Variants in ULK4 observed in about 807,000 individuals in gnomAD.
The protein encoded by ULK4 is unc-51 like kinase 4.
In ULK4, 133 loss-of-function variants were observed where a neutral mutation model predicts 160.6. That is an observed-to-expected ratio of 0.83 (90% CI 0.72 to 0.96). The LOEUF (loss-of-function observed/expected upper bound fraction) is 0.96, where lower values mean the gene tolerates loss of function less well. Ranked by LOEUF, ULK4 falls within the 40% of genes least tolerant of loss-of-function variation. The probability of loss-of-function intolerance (pLI) is 0.00; values close to 1 mark genes in which losing one functional copy is unlikely to be tolerated. For synonymous variants in ULK4, 534 were observed against 539.8 expected (o/e 0.99, Z 0.15); for missense variants, 1,580 against 1,499.5 (o/e 1.05, Z -0.89).
chr3:41,399,156 T>C (rs2125815795), intron 34 of ULK4, among the ~76,000 whole-genome samples: 1 of 152,318 alleles, frequency 6.6e-6, no homozygotes, highest in East Asian at 1.9e-4. Flanking sequence ...CCATTTTCAC[T>C]AACACTTGTT....
chr3:41,425,808 C>T (rs1339120693), intron 34 of ULK4, among the ~76,000 whole-genome samples: 2 of 152,146 alleles, frequency 1.3e-5, no homozygotes, highest in Non-Finnish European at 2.9e-5. Context: ...AAAACCATTC[C>T]CAGCCACTGC....
intron 32 of ULK4, among the ~76,000 whole-genome samples, chr3:41,499,204 C>G (rs546178279): frequency 1.3e-5 from 2 of 152,218 alleles, no homozygotes; most frequent in East Asian, 1.9e-4. Context: ...GCTAGGAATT[C>G]CAGAACATTG....
At chr3:41,868,511 G>A (rs1471208548) in intron 17 of ULK4, among the ~76,000 whole-genome samples, 4 of 151,462 alleles carry the variant, frequency 2.6e-5, no homozygotes, top group East Asian at 1.9e-4. Flanking sequence ...GTTTTGAGAC[G>A]GAGTCTCACT....
intron 30 of ULK4, among the ~76,000 whole-genome samples, chr3:41,635,546 GTTAC>G (rs2125708781): frequency 6.6e-6 from 1 of 152,226 alleles, no homozygotes; most frequent in Admixed American, 6.5e-5. Flanking sequence ...ATTTTGATAT[GTTAC>G]TTGTCTTTTT....
At chr3:41,468,380 C>A (rs2083888141) in intron 32 of ULK4, among the ~76,000 whole-genome samples, 3 of 151,986 alleles carry the variant, frequency 2.0e-5, no homozygotes, top group Admixed American at 6.6e-5. Context: ...GAAATGGAGG[C>A]AAAGGTGCTA....
chr3:41,299,874 T>C (rs1652162617), intron 35 of ULK4, among the ~76,000 whole-genome samples: 1 of 152,226 alleles, frequency 6.6e-6, no homozygotes, highest in South Asian at 2.1e-4. Context: ...GACTTTTAGA[T>C]TGCTTCCAAT....
chr3:41,734,423 C>T (rs4973891), intron 22 of ULK4, among the ~76,000 whole-genome samples: 148,021 of 152,240 alleles, frequency 0.97, 71,978 homozygotes, highest in East Asian at 1. Context: ...GATTTGTATA[C>T]GTTAAATTTA....
intron 33 of ULK4, among the ~76,000 whole-genome samples, chr3:41,462,000 T>A (rs114719283): frequency 6.6e-6 from 1 of 152,220 alleles, no homozygotes; most frequent in Non-Finnish European, 1.5e-5. Flanking sequence ...GGAATTATTA[T>A]AAATGAGCTA....
chr3:41,811,164 G>A (rs576360266), intron 19 of ULK4, among the ~76,000 whole-genome samples: 3 of 152,038 alleles, frequency 2.0e-5, no homozygotes, highest in African/African-American at 7.2e-5. Flanking sequence ...TGGGATTACA[G>A]GTATAAGCCA....
At chr3:41,391,191 G>T (rs1220199036) in intron 35 of ULK4, among the ~76,000 whole-genome samples, 2 of 152,076 alleles carry the variant, frequency 1.3e-5, no homozygotes, top group Non-Finnish European at 2.9e-5. Flanking sequence ...ATGGCAATCA[G>T]TGGCAGAGAA....
At position 41,636,107 on chromosome 3, in the gene ULK4, C is replaced by G. The variant is rs540489600; in HGVS notation, c.3072-20390G>C. ...TCTCTACCTTTGTATTCTTGGACAA[C>G]TTACATAAACTCTGAGTGTTACTTT... is the stretch of plus-strand genomic sequence containing the variant. On this transcript the variant is annotated intron_variant, in intron 30 of 36. Transcript: ENST00000301831. 1.2e-3 allele frequency among the ~76,000 whole-genome samples: 177 copies of G among 149,868 alleles called. 2 individuals carry two copies. Among genetic ancestry groups the G allele is most frequent in the African/African-American group, 4.4e-3 (172 of 39,202 alleles).
chr3:41,816,728 C>G (rs1196256163), intron 19 of ULK4, among the ~76,000 whole-genome samples: 1 of 152,150 alleles, frequency 6.6e-6, no homozygotes, highest in African/African-American at 2.4e-5. Flanking sequence ...AGGAGGATCA[C>G]TTGATCCCAG....
intron 22 of ULK4, among the ~76,000 whole-genome samples, chr3:41,740,679 T>C (rs2038212256): frequency 6.6e-6 from 1 of 151,856 alleles, no homozygotes; most frequent in Non-Finnish European, 1.5e-5. Context: ...AAAAACATAT[T>C]TGCATAATGG....
At chr3:41,338,231 C>A (rs1187086146) in intron 35 of ULK4, among the ~76,000 whole-genome samples, 1 of 152,212 alleles carries the variant, frequency 6.6e-6, no homozygotes, top group Non-Finnish European at 1.5e-5. Context: ...ATTCCAGCTT[C>A]CTGTTCCCCT....
chr3:41,739,729 T>C (rs2038179281), intron 22 of ULK4, among the ~76,000 whole-genome samples: 1 of 151,846 alleles, frequency 6.6e-6, no homozygotes, highest in Non-Finnish European at 1.5e-5. Context: ...TCTCCAAATG[T>C]CAACAAAGAC....
chr3:41,679,143 A>T (rs377526919), intron 29 of ULK4, among the ~76,000 whole-genome samples: 1 of 152,194 alleles, frequency 6.6e-6, no homozygotes, highest in Non-Finnish European at 1.5e-5. Context: ...CATTTCCATG[A>T]AGTATGTACC....
intron 35 of ULK4, among the ~76,000 whole-genome samples, chr3:41,265,722 AC>A (rs952407793): frequency 4.6e-5 from 7 of 152,084 alleles, no homozygotes; most frequent in African/African-American, 1.7e-4. Flanking sequence ...GAGAGATCTC[AC>A]CCTTCCCTCC....
intron 32 of ULK4, among the ~76,000 whole-genome samples, chr3:41,539,781 GC>G (rs2086632562): frequency 6.6e-6 from 1 of 151,964 alleles, no homozygotes. Context: ...CCTCTCAACT[GC>G]TTAAGCTCCT....
At chr3:41,251,806 G>C (rs545788973) in intron 35 of ULK4, among the ~76,000 whole-genome samples, 1 of 152,314 alleles carries the variant, frequency 6.6e-6, no homozygotes, top group South Asian at 2.1e-4. Flanking sequence ...GCATAATCAT[G>C]GAACTAGGCA....
Sources: allele counts gnomAD v4.1 joint callset (sites outside exome capture counted in the v4.1 genomes callset), GRCh38; gene constraint gnomAD v4.1.1; transcripts MANE v1.5; gene names NCBI Gene and HGNC (gene_info 2026-07-23, HGNC 2026-07-21).